The following VAV2 variants were observed in gnomAD, a reference collection of about 807,000 sequenced individuals.
The protein encoded by VAV2 is guanine nucleotide exchange factor VAV2.
A neutral mutation model predicts 132.5 loss-of-function variants in VAV2; 67 were observed. That is an observed-to-expected ratio of 0.51 (90% CI 0.42 to 0.62). The LOEUF is 0.62. Ranked by LOEUF, VAV2 falls within the 20% of genes least tolerant of loss-of-function variation. The pLI is 0.00. For missense variants in VAV2, 938 were observed against 1,153.6 expected, an observed-to-expected ratio of 0.81 and a Z score of 2.71; for synonymous variants, 492 against 443.5, an observed-to-expected ratio of 1.11 and a Z score of -1.37.
intron 3 of VAV2, among the ~76,000 whole-genome samples, chr9:133,848,235 G>T (rs191657653): frequency 1.4e-5 from 2 of 141,304 alleles, no homozygotes; most frequent in African/African-American, 5.3e-5. Context: ...AGCCGAGATC[G>T]CGCCATTGCA....
chr9:133,780,740 G>T, intron 19 of VAV2, 30 bp from the exon 20 acceptor site: 1 of 1,265,838 alleles, frequency 7.9e-7, no homozygotes, highest in South Asian at 3.5e-5. Context: ...GGTGTTAGAG[G>T]GGAGGCCACC....
chr9:133,817,682 C>T (rs752028530), intron 4 of VAV2, among the ~76,000 whole-genome samples: 1 of 152,238 alleles, frequency 6.6e-6, no homozygotes, highest in African/African-American at 2.4e-5. Context: ...ACTTTTCCCT[C>T]TGCCGTGTGC....
chr9:133,888,989 G>T (rs917440705), intron 2 of VAV2, among the ~76,000 whole-genome samples: 10 of 152,192 alleles, frequency 6.6e-5, no homozygotes, highest in Non-Finnish European at 1.3e-4. Flanking sequence ...CTGCCAGGGG[G>T]GCAGGGACAC....
At chr9:133,791,744 C>T (rs1176976474) in intron 13 of VAV2, 39 bp downstream of exon 13, 1 of 1,572,680 alleles carries the variant, frequency 6.4e-7, no homozygotes, top group Non-Finnish European at 8.8e-7. Context: ...GGTACGTCCT[C>T]ATCGACCTTC....
chr9:133,876,766 A>G (rs950688272), intron 2 of VAV2, among the ~76,000 whole-genome samples: 11 of 152,228 alleles, frequency 7.2e-5, no homozygotes, highest in Admixed American at 7.2e-4. Context: ...GGACACAGCC[A>G]GAGAGGACAC....
At chr9:133,903,792 A>C (rs2519994) in intron 2 of VAV2, among the ~76,000 whole-genome samples, 108,224 of 152,002 alleles carry the variant, frequency 0.71, 39,860 homozygotes, top group East Asian at 0.88. Flanking sequence ...GGAGGGCAGA[A>C]AAATCCACTT....
chr9:133,897,341 G>GCC lies in VAV2; in HGVS notation c.322-35910_322-35909insGG, dbSNP rs1320308756. Among the ~76,000 whole-genome samples the GCC allele has an allele frequency of 3.3e-5, 5 of 152,112 alleles. No homozygotes were observed. The East Asian group carries it at 9.6e-4, about 29-fold the overall frequency. ...CACTGGGTCAGGAGCCCAGCACAGG[G>GCC]CACACCCAGGTAGGGAGCCTCACAT... On this transcript the variant is annotated intron_variant, in intron 2 of 29. Coordinates refer to ENST00000371850, the MANE Select transcript of VAV2 (RefSeq NM_001134398.2).
chr9:133,979,989 A>G (rs1430982236), intron 1 of VAV2, among the ~76,000 whole-genome samples: 2 of 152,178 alleles, frequency 1.3e-5, no homozygotes, highest in Non-Finnish European at 1.5e-5. Context: ...CACCAAGCAC[A>G]GGGTTTCTGC....
chr9:133,869,571 C>G (rs112597265), intron 2 of VAV2, among the ~76,000 whole-genome samples: 24,677 of 152,164 alleles, frequency 0.16, 2,488 homozygotes, highest in African/African-American at 0.29. Context: ...AATCATGCCA[C>G]TGCACTCCAG....
At chr9:133,931,518 T>A (rs1419868810) in intron 2 of VAV2, among the ~76,000 whole-genome samples, 1 of 148,592 alleles carries the variant, frequency 6.7e-6, no homozygotes, top group Non-Finnish European at 1.5e-5. Context: ...TTCCCTGTCC[T>A]CTGCCCAGAA....
intron 3 of VAV2, among the ~76,000 whole-genome samples, chr9:133,837,787 C>T (rs971906159): frequency 2.6e-5 from 4 of 151,922 alleles, no homozygotes; most frequent in Non-Finnish European, 5.9e-5. Context: ...TCCTGCATCT[C>T]ATTTGGTGTC....
At chr9:133,862,656 C>T (rs557439827) in intron 2 of VAV2, among the ~76,000 whole-genome samples, 2 of 152,354 alleles carry the variant, frequency 1.3e-5, no homozygotes, top group Admixed American at 6.5e-5. Flanking sequence ...TAGACACCCT[C>T]CACTGGGTGC....
intron 2 of VAV2, among the ~76,000 whole-genome samples, chr9:133,873,136 C>T (rs1473616417): frequency 6.6e-6 from 1 of 151,634 alleles, no homozygotes; most frequent in Non-Finnish European, 1.5e-5. Context: ...GGAAGGAAGA[C>T]AGGAAAACAC....
intron 2 of VAV2, among the ~76,000 whole-genome samples, chr9:133,904,726 A>G (rs1205528270): frequency 6.6e-6 from 1 of 152,194 alleles, no homozygotes; most frequent in Non-Finnish European, 1.5e-5. Context: ...AAGCTTCTCA[A>G]TGCACCACTA....
At chr9:133,932,281 G>A (rs1046442792) in intron 2 of VAV2, among the ~76,000 whole-genome samples, 6 of 152,238 alleles carry the variant, frequency 3.9e-5, no homozygotes, top group Non-Finnish European at 7.3e-5. Flanking sequence ...AGGATCTACA[G>A]GCCGTGGCGG....
chr9:133,923,780 G>A (rs803436), intron 2 of VAV2, among the ~76,000 whole-genome samples: 52,215 of 152,062 alleles, frequency 0.34, 10,915 homozygotes, highest in Non-Finnish European at 0.47. Flanking sequence ...AGAAAATGTG[G>A]CACATATATA....
At position 133,939,997 on chromosome 9, in the gene VAV2, G is replaced by A. The variant is rs1049952204; in HGVS notation, c.205-778C>T. On this transcript the variant is annotated intron_variant, in intron 1 of 29. Transcript: ENST00000371850. Reference sequence around the variant, plus strand: ...GCGGAAGGCTTGGCTGGGGCGGAACGGCCATCTGCCCAGTCCTCGTGGAGA... The same window carrying A: ...GCGGAAGGCTTGGCTGGGGCGGAACAGCCATCTGCCCAGTCCTCGTGGAGA... Among the ~76,000 whole-genome samples, 10 of 152,372 alleles carry A rather than the reference G, an allele frequency of 6.6e-5. No homozygotes were observed. The South Asian group carries it at 1.7e-3, about 25-fold the overall frequency.
intron 24 of VAV2, among the ~76,000 whole-genome samples, chr9:133,775,465 T>C (rs1833780053): frequency 6.6e-6 from 1 of 152,236 alleles, no homozygotes; most frequent in Non-Finnish European, 1.5e-5. Flanking sequence ...CTTATGTGGA[T>C]TTTTTTGGTA....
At chr9:133,897,216 C>T (rs1172732008) in intron 2 of VAV2, among the ~76,000 whole-genome samples, 2 of 152,190 alleles carry the variant, frequency 1.3e-5, no homozygotes, top group African/African-American at 4.8e-5. Flanking sequence ...AGCTGACACT[C>T]GGGAAGAAAG....
Sources: gnomAD v4.1 joint callset for allele counts (sites outside exome capture counted in the v4.1 genomes callset) on GRCh38, gnomAD v4.1.1 for gene constraint, MANE v1.5 for transcripts, NCBI Gene and HGNC (gene_info 2026-07-23, HGNC 2026-07-21) for gene names.